Variants in ADGRA2 observed in about 807,000 individuals in gnomAD.
ADGRA2 encodes G-protein coupled receptor 124.
Under a neutral mutation model 98.7 loss-of-function variants are expected in ADGRA2, and 61 were observed. That is an observed-to-expected ratio of 0.62 (90% CI 0.50 to 0.76). The LOEUF (loss-of-function observed/expected upper bound fraction) is 0.76. Among genes scored for constraint, ADGRA2 ranks in the 30% least tolerant of loss-of-function variants. The pLI is 0.00. For synonymous variants in ADGRA2, 858 were observed against 831.5 expected, an observed-to-expected ratio of 1.03 and a Z score of -0.55; for missense variants, 1,712 against 1,860.0, an observed-to-expected ratio of 0.92 and a Z score of 1.46.
At chr8:37,811,045 C>A (rs1245058542) in intron 1 of ADGRA2, among the ~76,000 whole-genome samples, 2 of 131,442 alleles carry the variant, frequency 1.5e-5, no homozygotes, top group Non-Finnish European at 3.1e-5. Context: ...AGCCGGGAGG[C>A]GGAGCTTGCA....
At chr8:37,819,060 C>T (rs188557939) in intron 2 of ADGRA2, among the ~76,000 whole-genome samples, 3 of 152,230 alleles carry the variant, frequency 2.0e-5, no homozygotes, top group African/African-American at 4.8e-5. Flanking sequence ...GATGTGATGC[C>T]GGGGTGGCTA....
chr8:37,820,954 C>T (rs960856626), intron 2 of ADGRA2, among the ~76,000 whole-genome samples: 8 of 152,014 alleles, frequency 5.3e-5, no homozygotes, highest in African/African-American at 1.7e-4. Context: ...GGGGCACACA[C>T]CTTTATCAGC....
rs182638787 is a variant in ADGRA2 at position 37,807,616 on chromosome 8, G to A, written c.267-7280G>A. On this transcript the variant is annotated intron_variant, in intron 1 of 18. Coordinates refer to ENST00000412232, the MANE Select transcript of ADGRA2 (RefSeq NM_032777.10). ...AGGGGAGGCTGAGAGCTCTGATTTC[G>A]GTGGGTGTTCGAGCCCCAGGGCTTT... is the stretch of plus-strand genomic sequence containing the variant. Among the ~76,000 whole-genome samples, 24 of 152,282 alleles carry A rather than the reference G, an allele frequency of 1.6e-4. 1 individual carries two copies. The East Asian group carries it at 3.9e-3, about 25-fold the overall frequency.
intron 1 of ADGRA2, among the ~76,000 whole-genome samples, chr8:37,804,642 G>A (rs1370964450): frequency 1.3e-5 from 2 of 152,308 alleles, no homozygotes; most frequent in East Asian, 1.9e-4. Flanking sequence ...TGCCCACCCA[G>A]GGGACATCCG....
In ADGRA2 at chr8:37,839,026, C is replaced by G; in HGVS notation, c.2330C>G (p.Thr777Arg). The G allele has an allele frequency of 6.2e-7, 1 of 1,606,720 alleles. No individual in the cohort carries two copies. The highest frequency in any genetic ancestry group is 8.5e-7 in the Non-Finnish European group (1 of 1,176,216). ...AGLHPVVYPCTALLLLCLFAT... is the reference protein window; with the variant it reads ...AGLHPVVYPCRALLLLCLFAT... ...CTGCACCCCGTGGTATACCCCTGCA[C>G]GGCCTTGCTGCTGCTCTGCCTCTTC... The change falls in exon 15 of 19, where the codon ACG becomes AGG. Residue 777 changes from threonine to arginine, a missense_variant. Transcript: ENST00000412232.
chr8:37,804,425 G>T (rs1019569348), intron 1 of ADGRA2, among the ~76,000 whole-genome samples: 1 of 152,192 alleles, frequency 6.6e-6, no homozygotes, highest in Non-Finnish European at 1.5e-5. Context: ...TGATGGCAAG[G>T]GTGTTTTCTG....
chr8:37,840,954 C>A, intron 18 of ADGRA2, 105 bp downstream of exon 18: 1 of 1,164,682 alleles, frequency 8.6e-7, no homozygotes, highest in Non-Finnish European at 1.3e-6. Context: ...TAACCCAACC[C>A]AAGCCCATGC....
chr8:37,841,981 C>T lies in ADGRA2; in HGVS notation c.3643C>T (p.Leu1215=). The change falls in exon 19 of 19, where the codon CTG becomes TTG. Residue 1215 remains leucine (L), a synonymous_variant. Coordinates refer to ENST00000412232, the MANE Select transcript of ADGRA2 (RefSeq NM_032777.10). This position sits in a 1 kb window ranked among gnomAD's most constrained non-coding sequence, Gnocchi z 5.0. Reference sequence around the variant, plus strand: ...GGGCGCGGCGGGGGCGCTGGAGCTGCTGTCCAGCGAGAGCGGCAGTCTGCA... The same window carrying T: ...GGGCGCGGCGGGGGCGCTGGAGCTGTTGTCCAGCGAGAGCGGCAGTCTGCA... The part of the protein sequence containing the change: ...RGGAAGALEL[L]SSESGSLHNS... 6.6e-7 allele frequency: 1 copy of T among 1,504,852 alleles called. No individual in the cohort carries two copies. 93.2% of individuals were successfully genotyped at this position (1,504,852 alleles called of 1,614,324 possible). A position where few individuals can be genotyped will look rare whatever the true frequency, so the allele number is the denominator to read the frequency against.
chr8:37,800,359 C>T (rs1329429361), intron 1 of ADGRA2, among the ~76,000 whole-genome samples: 2 of 152,106 alleles, frequency 1.3e-5, no homozygotes, highest in Admixed American at 6.5e-5. Context: ...CGGATTTATG[C>T]GGATCACACC....
intron 1 of ADGRA2, among the ~76,000 whole-genome samples, chr8:37,806,526 C>CTTTTTTTTTTTTCTTTTTTTTT (rs1804669925): frequency 1.0e-5 from 1 of 100,356 alleles, no homozygotes; most frequent in African/African-American, 5.1e-5. Context: ...TTTTCTTTTT[C>CTTTTTTTTTTTTCTTTTTTTTT]TTTTTTTTTT....
intron 2 of ADGRA2, among the ~76,000 whole-genome samples, chr8:37,824,398 G>C (rs1418014482): frequency 6.6e-6 from 1 of 151,158 alleles, no homozygotes; most frequent in Non-Finnish European, 1.5e-5. Context: ...GTATATTCTA[G>C]ATAGACATCC....
At chr8:37,811,136 A>AG (rs1193891440) in intron 1 of ADGRA2, among the ~76,000 whole-genome samples, 1 of 147,942 alleles carries the variant, frequency 6.8e-6, no homozygotes, top group African/African-American at 2.5e-5. Flanking sequence ...AAAAAAAAAA[A>AG]AAAAGAACTT....
rs780083146 is a variant in ADGRA2 at position 37,841,581 on chromosome 8, C to T, written c.3243C>T (p.Arg1081=). 1.3e-5 allele frequency: 21 copies of T among 1,585,652 alleles called. No individual in the cohort carries two copies. In the South Asian group the frequency reaches 2.1e-4, roughly 16 times the overall value. The stretch of plus-strand genomic sequence containing the variant: ...GGAGGGACGTGAGAGCCTCGTGGCG[C>T]GCCTGCTGCCCCCCTGCCTCTCCCG... The part of the protein sequence containing the change: ...ARRRDVRASW[R]ACCPPASPAA... Residue 1081 remains arginine (R), a synonymous_variant, in exon 19 of 19, where the codon CGC becomes CGT. Coordinates refer to ENST00000412232, the MANE Select transcript of ADGRA2 (RefSeq NM_032777.10). This position sits in a 1 kb window ranked among gnomAD's most constrained non-coding sequence, Gnocchi z 5.0.
chr8:37,824,305 A>AGG (rs1805207209), intron 2 of ADGRA2, among the ~76,000 whole-genome samples: 1 of 151,732 alleles, frequency 6.6e-6, no homozygotes, highest in Non-Finnish European at 1.5e-5. Context: ...CTGGGATTAC[A>AGG]TGCATGAGCC....
chr8:37,837,159 G>T (rs939140272), intron 13 of ADGRA2, among the ~76,000 whole-genome samples: 2 of 152,224 alleles, frequency 1.3e-5, no homozygotes, highest in African/African-American at 4.8e-5. Context: ...GGCCAGCGAG[G>T]CCTTTCCCGA....
chr8:37,819,234 T>C (rs1805063337), intron 2 of ADGRA2, among the ~76,000 whole-genome samples: 6 of 152,168 alleles, frequency 3.9e-5, no homozygotes, highest in Admixed American at 3.9e-4. Context: ...AGGGCCAGGC[T>C]TTCCAGAGGA....
Position 37,838,954 on chromosome 8 carries a change from A to G in ADGRA2, c.2260-2A>G, listed in dbSNP as rs988314361. 41 of 1,563,278 alleles carry G rather than the reference A, an allele frequency of 2.6e-5. No homozygotes were observed. The highest frequency in any genetic ancestry group is 3.5e-5 in the Non-Finnish European group (40 of 1,156,452). The stretch of plus-strand genomic sequence containing the variant: ...CACGTCCTCCTTCCTGCCCTTTCCC[A>G]GGAGCTGAGCGCCTTTCCCAGGGAG... On this transcript the variant is annotated splice_acceptor_variant, in intron 14 of 18. Coordinates refer to ENST00000412232, the MANE Select transcript of ADGRA2 (RefSeq NM_032777.10). LOFTEE classifies it high-confidence loss of function.
Position 37,802,111 on chromosome 8 carries a change from AG to A in ADGRA2, c.266+4581del, listed in dbSNP as rs1804526037. Reference sequence around the variant, plus strand: ...CTGCTGGGATTTCAGTGGTCTTTGTAGGGGAAGTTGAGGAAGATGGGCCTCA... The same window carrying A: ...CTGCTGGGATTTCAGTGGTCTTTGTAGGGAAGTTGAGGAAGATGGGCCTCA... On this transcript the variant is annotated intron_variant, in intron 1 of 18. Coordinates refer to ENST00000412232, the MANE Select transcript of ADGRA2 (RefSeq NM_032777.10). The surrounding 1 kb of genome is among the most constrained non-coding windows in gnomAD (Gnocchi z 4.7). Among the ~76,000 whole-genome samples the A allele has an allele frequency of 6.6e-6, 1 of 152,196 alleles. No homozygotes were observed. The highest frequency in any genetic ancestry group is 2.1e-4 in the South Asian group (1 of 4,832).
intron 1 of ADGRA2, among the ~76,000 whole-genome samples, chr8:37,807,587 C>CT (rs1157023495): frequency 1.3e-5 from 2 of 152,226 alleles, no homozygotes; most frequent in African/African-American, 4.8e-5. Flanking sequence ...GGCACAGCGG[C>CT]TGCAGGGGAG....
Sources: gnomAD v4.1 joint callset for allele counts (sites outside exome capture counted in the v4.1 genomes callset) on GRCh38, gnomAD v4.1.1 for gene constraint, Gnocchi (gnomAD v3.1) non-coding constraint, MANE v1.5 for transcripts, NCBI Gene and HGNC (gene_info 2026-07-23, HGNC 2026-07-21) for gene names.